TNRC6B: variants seen among roughly 807,000 people sequenced by gnomAD.
The protein encoded by TNRC6B is trinucleotide repeat-containing gene 6B protein.
A neutral mutation model predicts 203.6 loss-of-function variants in TNRC6B; 52 were observed. That is an observed-to-expected ratio of 0.26 (90% CI 0.20 to 0.32). TNRC6B has a LOEUF of 0.32. TNRC6B is among the 10% of genes least tolerant of loss of function. The pLI is 1.00. For missense variants in TNRC6B, 1,923 were observed against 2,286.2 expected, an observed-to-expected ratio of 0.84 and a Z score of 3.24; for synonymous variants, 838 against 845.7, an observed-to-expected ratio of 0.99 and a Z score of 0.16.
At chr22:40,246,929 CAA>C (rs775257322) in intron 2 of TNRC6B, among the ~76,000 whole-genome samples, 16 of 152,158 alleles carry the variant, frequency 1.1e-4, no homozygotes, top group Admixed American at 2.0e-4. Flanking sequence ...TTAGAGAAAA[CAA>C]GAGATGCTAA....
chr22:40,239,662 T>A (rs189963264), intron 1 of TNRC6B, among the ~76,000 whole-genome samples: 4 of 152,300 alleles, frequency 2.6e-5, no homozygotes, highest in African/African-American at 9.6e-5. Context: ...TGCTTCAAGC[T>A]CTTAGCTTTC....
At chr22:40,204,484 C>T (rs979027885) in intron 1 of TNRC6B, among the ~76,000 whole-genome samples, 3 of 152,218 alleles carry the variant, frequency 2.0e-5, no homozygotes, top group Non-Finnish European at 4.4e-5. Context: ...TGGCTACGGG[C>T]TTGACCTTCT....
At chr22:40,118,624 A>C (rs1367431955) in intron 2 of TNRC6B, among the ~76,000 whole-genome samples, 1 of 152,208 alleles carries the variant, frequency 6.6e-6, no homozygotes, top group Non-Finnish European at 1.5e-5. Context: ...TCTTACATAG[A>C]AATTTATTGA....
intron 3 of TNRC6B, among the ~76,000 whole-genome samples, chr22:40,143,566 T>C (rs2068662886): frequency 6.6e-6 from 1 of 152,190 alleles, no homozygotes; most frequent in Non-Finnish European, 1.5e-5. Context: ...CTCGGCTCAC[T>C]GCGAGCTCCA....
chr22:40,115,552 G>T (rs1290610780), intron 1 of TNRC6B, among the ~76,000 whole-genome samples: 1 of 152,092 alleles, frequency 6.6e-6, no homozygotes, highest in Non-Finnish European at 1.5e-5. Context: ...ATGTTTATTG[G>T]ACTCTACCCA....
chr22:40,102,221 A>G (rs1185646502), intron 1 of TNRC6B, among the ~76,000 whole-genome samples: 1 of 152,148 alleles, frequency 6.6e-6, no homozygotes, highest in Non-Finnish European at 1.5e-5. Flanking sequence ...AAAAACAAGG[A>G]GGGAGATATT....
Position 40,327,823 on chromosome 22 carries a change from T to G in TNRC6B, c.*4582T>G. 1 of 152,212 alleles carries G rather than the reference T, an allele frequency of 6.6e-6. No homozygotes were observed. Among genetic ancestry groups the G allele is most frequent in the East Asian group, 1.9e-4 (1 of 5,206 alleles). 9.4% of individuals were successfully genotyped at this position (152,212 alleles called of 1,614,324 possible). ...TACATAGATTTATTTTAAAAACATT[T>G]TGATTATGTTAATTTGAGCTTTCCC... On this transcript the variant is annotated 3_prime_UTR_variant, in exon 23 of 23. Coordinates refer to ENST00000454349, the MANE Select transcript of TNRC6B (RefSeq NM_001162501.2).
At chr22:40,160,845 C>T (rs1477856677) in intron 4 of TNRC6B, among the ~76,000 whole-genome samples, 1 of 152,170 alleles carries the variant, frequency 6.6e-6, no homozygotes, top group African/African-American at 2.4e-5. Context: ...CCTGGGATTA[C>T]AGGCATGCAC....
intron 5 of TNRC6B, among the ~76,000 whole-genome samples, chr22:40,268,801 A>G (rs1267533723): frequency 1.3e-5 from 2 of 151,834 alleles, no homozygotes; most frequent in African/African-American, 4.8e-5. Context: ...AGTCCCAGCT[A>G]CTCGGGAGGC....
chr22:40,261,799 T>C, intron 3 of TNRC6B, 33 bp from the exon 4 acceptor site: 1 of 1,461,044 alleles, frequency 6.8e-7, no homozygotes, highest in Non-Finnish European at 9.2e-7. Context: ...TTTGATGTAT[T>C]TCAAAGACTG....
At chr22:40,153,970 G>A (rs2068785890) in intron 3 of TNRC6B, among the ~76,000 whole-genome samples, 1 of 150,390 alleles carries the variant, frequency 6.6e-6, no homozygotes, top group Admixed American at 6.6e-5. Context: ...GAAATTATTG[G>A]CTTTCTTTAT....
intron 1 of TNRC6B, among the ~76,000 whole-genome samples, chr22:40,183,455 C>T (rs1204605779): frequency 3.9e-5 from 6 of 152,118 alleles, no homozygotes; most frequent in Non-Finnish European, 5.9e-5. Flanking sequence ...GGTCTGATGT[C>T]GTCTCTTCAT....
chr22:40,093,204 A>G (rs941737025), intron 1 of TNRC6B, among the ~76,000 whole-genome samples: 21 of 152,244 alleles, frequency 1.4e-4, no homozygotes, highest in African/African-American at 5.1e-4. Flanking sequence ...GTCTAATCTT[A>G]AAGCAAATTA....
rs536558177 is a variant in TNRC6B at position 40,142,986 on chromosome 22, C to T, written c.46-13129C>T. Among the ~76,000 whole-genome samples the T allele has an allele frequency of 3.4e-4, 52 of 152,132 alleles. 1 individual carries two copies. In the South Asian group the frequency reaches 8.5e-3, roughly 25 times the overall value. The stretch of plus-strand genomic sequence containing the variant: ...TAAAACGTTGAAGCCTTTGGATGGC[C>T]GCACAAGAGATGTCTGCATTCATAA... On this transcript the variant is annotated intron_variant, in intron 3 of 23. Transcript: ENST00000301923.
chr22:40,264,677 C>A lies in TNRC6B; in HGVS notation c.458-11C>A. 1 of 1,560,066 alleles carries A rather than the reference C, an allele frequency of 6.4e-7. No individual in the cohort carries two copies. Among genetic ancestry groups the A allele is most frequent in the South Asian group, 1.2e-5 (1 of 81,538 alleles). Reference sequence around the variant, plus strand: ...TTGAAGCTGTGATTAATAAGATGATCTGTTCCCCAGACTCAACCCTTGGAG... The same window carrying A: ...TTGAAGCTGTGATTAATAAGATGATATGTTCCCCAGACTCAACCCTTGGAG... On this transcript the variant is annotated splice_polypyrimidine_tract_variant and intron_variant, in intron 4 of 22. Coordinates refer to ENST00000454349, the MANE Select transcript of TNRC6B (RefSeq NM_001162501.2).
intron 3 of TNRC6B, among the ~76,000 whole-genome samples, chr22:40,154,860 A>AAAAAAATATAT (rs1555885936): frequency 4.2e-5 from 1 of 23,586 alleles, no homozygotes; most frequent in Non-Finnish European, 6.2e-5. Flanking sequence ...AAAAAAAAAA[A>AAAAAAATATAT]ATATATATAT....
intron 4 of TNRC6B, among the ~76,000 whole-genome samples, chr22:40,170,931 C>CTATATATGTG (rs1569006668): frequency 2.9e-5 from 4 of 138,700 alleles, no homozygotes; most frequent in African/African-American, 1.1e-4. Context: ...ATATATACAC[C>CTATATATGTG]CATATATGTA....
chr22:40,253,614 T>C, intron 3 of TNRC6B: 1 of 456,232 alleles, frequency 2.2e-6, no homozygotes, highest in Non-Finnish European at 4.4e-6. Context: ...AAAGATAACA[T>C]AAAATAATCC....
intron 12 of TNRC6B, among the ~76,000 whole-genome samples, chr22:40,289,790 A>G (rs546865038): frequency 6.6e-6 from 1 of 152,054 alleles, no homozygotes; most frequent in East Asian, 1.9e-4. Flanking sequence ...TTTTTCCTCA[A>G]CTCCACAGAC....
Sources: allele counts gnomAD v4.1 joint callset (sites outside exome capture counted in the v4.1 genomes callset), GRCh38; gene constraint gnomAD v4.1.1; transcripts MANE v1.5; gene names NCBI Gene and HGNC (gene_info 2026-07-23, HGNC 2026-07-21).